The following GPC6 variants were observed in gnomAD, a reference collection of about 807,000 sequenced individuals.
GPC6 encodes glypican-6.
GPC6 carries 14 observed loss-of-function variants against 55.2 expected under a neutral mutation model. The ratio of observed to expected loss-of-function variants is 0.25; its 90% CI spans 0.17 to 0.40. GPC6 has a LOEUF of 0.40. Among genes scored for constraint, GPC6 ranks in the 10% least tolerant of loss-of-function variants. The probability of loss-of-function intolerance (pLI) is 1.00; values close to 1 mark genes in which losing one functional copy is unlikely to be tolerated. For missense variants in GPC6, 641 were observed against 708.5 expected (o/e 0.90, Z 1.08); for synonymous variants, 278 against 259.6 (o/e 1.07, Z -0.68).
intron 1 of GPC6, among the ~76,000 whole-genome samples, chr13:93,274,135 C>G (rs1877647813): frequency 6.6e-6 from 1 of 152,152 alleles, no homozygotes; most frequent in African/African-American, 2.4e-5. Flanking sequence ...AGCTGTCTTC[C>G]TACAGCTTAA....
At chr13:94,390,880 TGG>T (rs5805860) in intron 7 of GPC6, among the ~76,000 whole-genome samples, 2 of 150,398 alleles carry the variant, frequency 1.3e-5, no homozygotes, top group African/African-American at 2.5e-5. Context: ...CTCTTGCAAA[TGG>T]GAAAAAAAAA....
intron 2 of GPC6, among the ~76,000 whole-genome samples, chr13:93,821,619 A>T (rs890209485): frequency 2.0e-5 from 3 of 152,208 alleles, no homozygotes; most frequent in African/African-American, 7.2e-5. Context: ...AACTGTAAAT[A>T]ACATCCTTTA....
upstream of GPC6, among the ~76,000 whole-genome samples, chr13:93,225,378 T>G (rs1466722275): frequency 6.6e-6 from 1 of 152,224 alleles, no homozygotes; most frequent in African/African-American, 2.4e-5. Context: ...GTTCAGTGAT[T>G]TAAGATCTGC....
At chr13:93,866,825 T>C (rs1888980752) in intron 3 of GPC6, among the ~76,000 whole-genome samples, 1 of 151,766 alleles carries the variant, frequency 6.6e-6, no homozygotes, top group South Asian at 2.1e-4. Flanking sequence ...CCATTACGTA[T>C]GTTTACTATG....
chr13:93,999,889 T>C (rs1437007640), intron 3 of GPC6, among the ~76,000 whole-genome samples: 1 of 152,192 alleles, frequency 6.6e-6, no homozygotes, highest in Non-Finnish European at 1.5e-5. Context: ...TATTGGCATA[T>C]ATTGAAAGCG....
chr13:93,556,386 G>C (rs1197858728), intron 2 of GPC6, among the ~76,000 whole-genome samples: 1 of 131,088 alleles, frequency 7.6e-6, no homozygotes, highest in South Asian at 2.4e-4. Flanking sequence ...GTGTGTGTGT[G>C]TGTGTGTGTA....
intron 3 of GPC6, among the ~76,000 whole-genome samples, chr13:93,944,405 T>G (rs1044407099): frequency 6.6e-6 from 1 of 151,936 alleles, no homozygotes; most frequent in African/African-American, 2.4e-5. Flanking sequence ...GGGGTTTCAC[T>G]GTGTTAGCCA....
chr13:93,519,150 G>A (rs1881313667), intron 1 of GPC6, among the ~76,000 whole-genome samples: 1 of 151,968 alleles, frequency 6.6e-6, no homozygotes, highest in Non-Finnish European at 1.5e-5. Flanking sequence ...AGAAAAGTTT[G>A]CTTACTTCTG....
chr13:93,855,402 T>C (rs1339751503), intron 3 of GPC6, among the ~76,000 whole-genome samples: 2 of 151,714 alleles, frequency 1.3e-5, no homozygotes, highest in Admixed American at 6.6e-5. Flanking sequence ...TATCTGGGTG[T>C]AACACAATTT....
chr13:94,035,483 G>A (rs1264002739), intron 4 of GPC6, among the ~76,000 whole-genome samples: 1 of 152,026 alleles, frequency 6.6e-6, no homozygotes, highest in Non-Finnish European at 1.5e-5. Flanking sequence ...GATCGTTAAA[G>A]AAAACATCAA....
intron 3 of GPC6, among the ~76,000 whole-genome samples, chr13:94,023,473 C>G (rs570914037): frequency 6.6e-6 from 1 of 152,070 alleles, no homozygotes; most frequent in African/African-American, 2.4e-5. Context: ...GTGACAGTCA[C>G]ATACACTGTA....
At chr13:93,318,329 A>AATTTTTATT (rs1594093118) in intron 1 of GPC6, among the ~76,000 whole-genome samples, 1 of 152,178 alleles carries the variant, frequency 6.6e-6, no homozygotes, top group African/African-American at 2.4e-5. Flanking sequence ...AAAAAAAGCA[A>AATTTTTATT]ATTTTTATTT....
intron 4 of GPC6, among the ~76,000 whole-genome samples, chr13:94,038,556 T>G (rs1455445216): frequency 6.6e-6 from 1 of 151,922 alleles, no homozygotes; most frequent in Non-Finnish European, 1.5e-5. Flanking sequence ...CTCCACCACT[T>G]ATAACCTGTG....
intron 1 of GPC6, among the ~76,000 whole-genome samples, chr13:93,338,344 G>GAAGCCAGA (rs2090907868): frequency 6.6e-6 from 1 of 152,114 alleles, no homozygotes; most frequent in South Asian, 2.1e-4. Context: ...TTTATGACAG[G>GAAGCCAGA]CAGCCAGACC....
At chr13:93,241,266 G>A (rs1876418432) in intron 1 of GPC6, among the ~76,000 whole-genome samples, 1 of 152,028 alleles carries the variant, frequency 6.6e-6, no homozygotes, top group Admixed American at 6.6e-5. Flanking sequence ...TCTCCTTCAG[G>A]AATACCTATG....
intron 2 of GPC6, among the ~76,000 whole-genome samples, chr13:93,579,045 A>C (rs1268596232): frequency 6.6e-6 from 1 of 152,126 alleles, no homozygotes; most frequent in Non-Finnish European, 1.5e-5. Flanking sequence ...GAGCTAAAAA[A>C]CTAGATTTCG....
At chr13:93,801,499 T>C (rs763309702) in intron 2 of GPC6, among the ~76,000 whole-genome samples, 2 of 152,154 alleles carry the variant, frequency 1.3e-5, no homozygotes. Context: ...TGAAGCAGGA[T>C]AGGATATGCT....
chr13:93,305,068 G>C (rs550727957), intron 1 of GPC6, among the ~76,000 whole-genome samples: 1 of 152,194 alleles, frequency 6.6e-6, no homozygotes, highest in South Asian at 2.1e-4. Flanking sequence ...GATGGTATCA[G>C]GATTCAGCTA....
intron 1 of GPC6, among the ~76,000 whole-genome samples, chr13:93,261,900 C>A (rs1196356313): frequency 1.3e-5 from 2 of 150,704 alleles, no homozygotes; most frequent in African/African-American, 4.9e-5. Flanking sequence ...TGGCATTATT[C>A]ACATTTATCT....
Sources: allele counts gnomAD v4.1 joint callset (sites outside exome capture counted in the v4.1 genomes callset), GRCh38; gene constraint gnomAD v4.1.1; transcripts MANE v1.5; gene names NCBI Gene and HGNC (gene_info 2026-07-23, HGNC 2026-07-21).